The following RGS6 variants were observed in gnomAD, a reference collection of about 807,000 sequenced individuals.
The protein encoded by RGS6 is regulator of G-protein signaling 6.
Under a neutral mutation model 78.5 loss-of-function variants are expected in RGS6, and 30 were observed. The ratio of observed to expected loss-of-function variants is 0.38; its 90% CI spans 0.29 to 0.52. RGS6 has a LOEUF of 0.52. RGS6 is among the 20% of genes least tolerant of loss of function. The pLI is 0.85. For missense variants in RGS6, 495 were observed against 609.7 expected (o/e 0.81, Z 1.98); for synonymous variants, 206 against 206.0 (o/e 1.00, Z 0.00).
At chr14:72,371,337 G>A (rs886701940) in intron 3 of RGS6, among the ~76,000 whole-genome samples, 1 of 151,744 alleles carries the variant, frequency 6.6e-6, no homozygotes, top group Non-Finnish European at 1.5e-5. Flanking sequence ...TTCCTTGTTT[G>A]ATTTTTTTCT....
chr14:72,133,523 G>A (rs1249965103), intron 2 of RGS6, among the ~76,000 whole-genome samples: 8 of 152,114 alleles, frequency 5.3e-5, no homozygotes, highest in East Asian at 1.9e-4. Flanking sequence ...AGCATAAACC[G>A]GGCTTCCCTT....
chr14:72,392,805 C>G (rs1422351732), intron 3 of RGS6, among the ~76,000 whole-genome samples: 1 of 152,156 alleles, frequency 6.6e-6, no homozygotes, highest in African/African-American at 2.4e-5. Context: ...CCAATCCTCA[C>G]CCTGGTCTCC....
In RGS6 at chr14:71,995,693, T is replaced by C. The variant is rs1026461292; in HGVS notation, c.84+30818T>C. Among the ~76,000 whole-genome samples the C allele has an allele frequency of 2.0e-5, 3 of 152,222 alleles. No homozygotes were observed. The East Asian group carries it at 5.8e-4, about 29-fold the overall frequency. ...CAGGTGCACCTGAAATGTTCCCTTA[T>C]ATTCTTATGTAGTCAAGAAAATCTT... On this transcript the variant is annotated intron_variant, in intron 2 of 17. Transcript: ENST00000553525.
chr14:72,109,066 T>C (rs181391339), intron 2 of RGS6, among the ~76,000 whole-genome samples: 1 of 152,274 alleles, frequency 6.6e-6, no homozygotes. Flanking sequence ...TATGTAATTT[T>C]TTTTAAAAAA....
chr14:72,375,644 A>G (rs1356436530), intron 3 of RGS6, among the ~76,000 whole-genome samples: 3 of 152,236 alleles, frequency 2.0e-5, no homozygotes, highest in African/African-American at 7.2e-5. Context: ...CTGTGTGCAG[A>G]CATATGCCTC....
intron 2 of RGS6, among the ~76,000 whole-genome samples, chr14:72,008,002 A>T (rs995869446): frequency 2.0e-5 from 3 of 152,238 alleles, no homozygotes; most frequent in African/African-American, 7.2e-5. Context: ...GTTACCTTTC[A>T]TGAAAATGAA....
chr14:71,966,785 GAC>G (rs1357487727), intron 2 of RGS6, among the ~76,000 whole-genome samples: 1 of 152,168 alleles, frequency 6.6e-6, no homozygotes, highest in African/African-American at 2.4e-5. Context: ...TAGAGTCAGT[GAC>G]ACTTGGAGAG....
chr14:72,022,744 A>C (rs2153275937), intron 2 of RGS6, among the ~76,000 whole-genome samples: 1 of 152,216 alleles, frequency 6.6e-6, no homozygotes. Flanking sequence ...CATGCTTCCT[A>C]TTATCAGTGG....
In RGS6 at chr14:72,261,382, C is replaced by T. The variant is rs79686980; in HGVS notation, c.85-90713C>T. Among the ~76,000 whole-genome samples, 508 of 152,168 alleles carry T rather than the reference C, an allele frequency of 3.3e-3. 2 individuals are homozygous for T. The highest frequency in any genetic ancestry group is 0.012 in the African/African-American group (485 of 41,494). ...CTACAGTCCCTTCCCCACTACAGGTCATACAAAAGGAGGAGGGAAAAGCTT... is the reference window on the plus strand; with the variant it reads ...CTACAGTCCCTTCCCCACTACAGGTTATACAAAAGGAGGAGGGAAAAGCTT... On this transcript the variant is annotated intron_variant, in intron 2 of 17. Coordinates refer to ENST00000553525, the MANE Select transcript of RGS6 (RefSeq NM_001204424.2).
At chr14:72,035,874 A>T (rs1028915292) in intron 2 of RGS6, among the ~76,000 whole-genome samples, 1 of 152,194 alleles carries the variant, frequency 6.6e-6, no homozygotes, top group African/African-American at 2.4e-5. Flanking sequence ...TTTTAAATAA[A>T]CATATGGTAA....
intron 2 of RGS6, among the ~76,000 whole-genome samples, chr14:72,060,462 G>A (rs2093839759): frequency 6.7e-6 from 1 of 148,372 alleles, no homozygotes; most frequent in African/African-American, 2.5e-5. Flanking sequence ...TGCCATGTCT[G>A]TCATTTTCTT....
rs570077769 is a variant in RGS6, at chr14:72,493,158, A to G, written c.855-1994A>G. Among the ~76,000 whole-genome samples the G allele has an allele frequency of 3.9e-5, 6 of 152,318 alleles. No individual in the cohort carries two copies. The East Asian group carries it at 1.2e-3, about 29-fold the overall frequency. ...GTACCTCAGTCTTAAGTACAAATGG[A>G]TGTCCAAAGATTTTCCAGACACTCC... On this transcript the variant is annotated intron_variant, in intron 12 of 17. Transcript: ENST00000553525.
intron 2 of RGS6, among the ~76,000 whole-genome samples, chr14:72,088,265 A>G (rs2095130986): frequency 6.6e-6 from 1 of 152,130 alleles, no homozygotes; most frequent in South Asian, 2.1e-4. Context: ...TGCATCACTC[A>G]TTTGAATCAG....
chr14:72,077,359 A>C (rs916904606), intron 2 of RGS6, among the ~76,000 whole-genome samples: 20 of 152,098 alleles, frequency 1.3e-4, no homozygotes, highest in African/African-American at 4.6e-4. Flanking sequence ...TAATAGTACA[A>C]ATATTCTCTC....
intron 2 of RGS6, among the ~76,000 whole-genome samples, chr14:71,993,734 C>T (rs972647060): frequency 8.5e-5 from 13 of 152,056 alleles, no homozygotes; most frequent in Non-Finnish European, 1.8e-4. Context: ...TTGATGTCAT[C>T]TAGAGTCTAA....
the RGS6 span, among the ~76,000 whole-genome samples, chr14:72,580,308 C>T: frequency 2.3e-5 from 3 of 129,186 alleles, no homozygotes; most frequent in Admixed American, 7.2e-5. Context: ...GCAAAAATGT[C>T]CCCCCCACCC....
the RGS6 span, among the ~76,000 whole-genome samples, chr14:71,919,316 AG>A: frequency 3.9e-5 from 6 of 152,246 alleles, no homozygotes; most frequent in South Asian, 6.2e-4. Flanking sequence ...CTCTAACTCT[AG>A]GGTGTCTGAG....
chr14:71,908,770 G>GT, the RGS6 span, among the ~76,000 whole-genome samples: 1 of 152,122 alleles, frequency 6.6e-6, no homozygotes, highest in Non-Finnish European at 1.5e-5. Context: ...GAATAAACAT[G>GT]TTAGAGGAAC....
At chr14:72,489,404 C>T (rs2096546443) in intron 12 of RGS6, among the ~76,000 whole-genome samples, 1 of 152,236 alleles carries the variant, frequency 6.6e-6, no homozygotes, top group South Asian at 2.1e-4. Context: ...TGCTCTCTCA[C>T]ATTCCCTGTA....
Sources: gnomAD v4.1 joint callset for allele counts (sites outside exome capture counted in the v4.1 genomes callset) on GRCh38, gnomAD v4.1.1 for gene constraint, MANE v1.5 for transcripts, NCBI Gene and HGNC (gene_info 2026-07-23, HGNC 2026-07-21) for gene names.